The following ARL15 variants were observed in gnomAD, a reference collection of about 807,000 sequenced individuals.
ARL15 encodes the protein ARF like GTPase 15.
A neutral mutation model predicts 25.2 loss-of-function variants in ARL15; 19 were observed. The ratio of observed to expected loss-of-function variants is 0.75; its 90% CI spans 0.53 to 1.10. The LOEUF is 1.10. Ranked by LOEUF, ARL15 falls within the 50% of genes least tolerant of loss-of-function variation. The pLI, the probability that ARL15 is intolerant of heterozygous loss-of-function variation, is 0.00. For missense variants in ARL15, 220 were observed against 246.0 expected, an observed-to-expected ratio of 0.89 and a Z score of 0.71; for synonymous variants, 94 against 86.8, an observed-to-expected ratio of 1.08 and a Z score of -0.46.
intron 4 of ARL15, among the ~76,000 whole-genome samples, chr5:53,948,724 C>T (rs1455226551): frequency 1.3e-5 from 2 of 152,192 alleles, no homozygotes; most frequent in African/African-American, 4.8e-5. Context: ...AACCAGGGGT[C>T]ATACACTTGC....
intron 4 of ARL15, among the ~76,000 whole-genome samples, chr5:54,064,474 T>C (rs1162567339): frequency 6.6e-6 from 1 of 152,006 alleles, no homozygotes; most frequent in Non-Finnish European, 1.5e-5. Context: ...CATATAACAA[T>C]GGAACAAGTA....
intron 4 of ARL15, among the ~76,000 whole-genome samples, chr5:54,054,564 G>A (rs986763137): frequency 2.0e-4 from 31 of 152,208 alleles, no homozygotes; most frequent in African/African-American, 7.2e-4. Context: ...GCCGAGGCGG[G>A]CGGACCACAA....
intron 3 of ARL15, among the ~76,000 whole-genome samples, chr5:54,146,577 C>A (rs1039181692): frequency 1.3e-5 from 2 of 152,142 alleles, no homozygotes; most frequent in African/African-American, 4.8e-5. Flanking sequence ...TTATGGCAAT[C>A]CCTGGGAGAA....
intron 4 of ARL15, among the ~76,000 whole-genome samples, chr5:54,099,052 C>T (rs895660076): frequency 6.6e-6 from 1 of 152,158 alleles, no homozygotes; most frequent in African/African-American, 2.4e-5. Context: ...GGAGCACACA[C>T]AAGTGACATA....
chr5:54,279,613 T>G (rs924561094), intron 1 of ARL15, among the ~76,000 whole-genome samples: 8 of 152,108 alleles, frequency 5.3e-5, no homozygotes, highest in African/African-American at 1.9e-4. Context: ...AACACATGAG[T>G]TTTGTGTGGG....
At chr5:54,305,002 G>C (rs1401231134) in intron 1 of ARL15, among the ~76,000 whole-genome samples, 1 of 152,058 alleles carries the variant, frequency 6.6e-6, no homozygotes, top group Non-Finnish European at 1.5e-5. Flanking sequence ...GGTTTCTATT[G>C]TTGGTTAGTT....
At chr5:54,145,704 T>TCC (rs1393001690) in intron 3 of ARL15, among the ~76,000 whole-genome samples, 2 of 152,144 alleles carry the variant, frequency 1.3e-5, no homozygotes. Context: ...GGAGTTGGTA[T>TCC]TCATTAAATA....
chr5:54,074,229 T>C (rs993378242), intron 4 of ARL15, among the ~76,000 whole-genome samples: 1 of 152,220 alleles, frequency 6.6e-6, no homozygotes, highest in Admixed American at 6.5e-5. Flanking sequence ...CCAGGTCCAC[T>C]GCTTACAAAC....
chr5:53,975,920 G>C (rs768664702), intron 4 of ARL15, among the ~76,000 whole-genome samples: 10 of 152,102 alleles, frequency 6.6e-5, no homozygotes, highest in Middle Eastern at 3.2e-3. Context: ...AGGATATTAA[G>C]TGGCCATACC....
intron 1 of ARL15, among the ~76,000 whole-genome samples, chr5:54,208,829 G>A (rs1021072332): frequency 1.4e-4 from 21 of 152,286 alleles, no homozygotes; most frequent in African/African-American, 5.1e-4. Flanking sequence ...CAGCCATGCA[G>A]CAGGGCTGGT....
chr5:54,161,429 T>C (rs1754397907), intron 2 of ARL15, among the ~76,000 whole-genome samples: 1 of 152,194 alleles, frequency 6.6e-6, no homozygotes, highest in Admixed American at 6.5e-5. Context: ...CTGTAATACA[T>C]GTGCATACCA....
intron 1 of ARL15, among the ~76,000 whole-genome samples, chr5:54,193,223 A>G (rs1392880954): frequency 6.6e-6 from 1 of 152,172 alleles, no homozygotes; most frequent in African/African-American, 2.4e-5. Context: ...ATTTCAGTAA[A>G]TTGCAGCATC....
chr5:54,006,461 AT>A, intron 4 of ARL15, among the ~76,000 whole-genome samples: 1 of 149,542 alleles, frequency 6.7e-6, no homozygotes, highest in African/African-American at 2.5e-5. Context: ...GTGTTCTCTT[AT>A]AACAATTGAT....
intron 2 of ARL15, among the ~76,000 whole-genome samples, chr5:54,159,303 A>G (rs1205126739): frequency 6.6e-6 from 1 of 152,128 alleles, no homozygotes; most frequent in Non-Finnish European, 1.5e-5. Context: ...TGACTCATCC[A>G]TGACAGTGTA....
At chr5:53,907,488 ATTTTTT>A (rs869174212) in intron 4 of ARL15, among the ~76,000 whole-genome samples, 12 of 18,008 alleles carry the variant, frequency 6.7e-4, no homozygotes, top group Non-Finnish European at 6.8e-4. Context: ...ATATATATAT[ATTTTTT>A]TTTTTTTTTT....
intron 1 of ARL15, among the ~76,000 whole-genome samples, chr5:54,211,265 G>A (rs1756034188): frequency 6.6e-6 from 1 of 152,078 alleles, no homozygotes; most frequent in Non-Finnish European, 1.5e-5. Context: ...AGTTTGGAGG[G>A]GACAGGAAGG....
chr5:54,156,238 A>G (rs1754229246), intron 2 of ARL15, among the ~76,000 whole-genome samples: 1 of 152,216 alleles, frequency 6.6e-6, no homozygotes, highest in African/African-American at 2.4e-5. Flanking sequence ...ATAATGTTTG[A>G]AGAACTGACT....
chr5:54,015,837 T>C (rs1296589451), intron 4 of ARL15, among the ~76,000 whole-genome samples: 1 of 152,174 alleles, frequency 6.6e-6, no homozygotes, highest in Non-Finnish European at 1.5e-5. Flanking sequence ...TGAAAACCTA[T>C]ACTTTTATAA....
At chr5:54,208,508 C>A (rs1346778370) in intron 1 of ARL15, among the ~76,000 whole-genome samples, 2 of 152,054 alleles carry the variant, frequency 1.3e-5, no homozygotes, top group Non-Finnish European at 2.9e-5. Context: ...TCATCACCAC[C>A]ACCAGAAAAA....
Sources: gnomAD v4.1 joint callset for allele counts (sites outside exome capture counted in the v4.1 genomes callset) on GRCh38, gnomAD v4.1.1 for gene constraint, MANE v1.5 for transcripts, NCBI Gene and HGNC (gene_info 2026-07-23, HGNC 2026-07-21) for gene names.